The following KCNQ5 variants were observed in gnomAD, a reference collection of about 807,000 sequenced individuals.
The protein encoded by KCNQ5 is potassium voltage-gated channel subfamily KQT member 5.
A neutral mutation model predicts 98.2 loss-of-function variants in KCNQ5; 30 were observed. That is an observed-to-expected ratio of 0.31 (90% CI 0.23 to 0.41). The LOEUF (loss-of-function observed/expected upper bound fraction) is 0.41, where lower values mean the gene tolerates loss of function less well. KCNQ5 is among the 10% of genes least tolerant of loss of function. KCNQ5 has a pLI of 1.00. For synonymous variants in KCNQ5, 458 were observed against 449.4 expected, an observed-to-expected ratio of 1.02 and a Z score of -0.24; for missense variants, 835 against 1,182.5, an observed-to-expected ratio of 0.71 and a Z score of 4.31.
At chr6:72,688,588 A>G (rs1460417303) in intron 1 of KCNQ5, among the ~76,000 whole-genome samples, 1 of 152,220 alleles carries the variant, frequency 6.6e-6, no homozygotes, top group Non-Finnish European at 1.5e-5. Flanking sequence ...TGTTAAAATT[A>G]TTGTTGATTT....
chr6:73,161,287 G>T (rs1445027413), intron 10 of KCNQ5, among the ~76,000 whole-genome samples: 2 of 152,206 alleles, frequency 1.3e-5, no homozygotes, highest in Non-Finnish European at 2.9e-5. Context: ...GCTTAGACTG[G>T]TGGTTTCCAG....
intron 1 of KCNQ5, among the ~76,000 whole-genome samples, chr6:72,753,182 C>G (rs1050034793): frequency 6.6e-6 from 1 of 152,080 alleles, no homozygotes; most frequent in Non-Finnish European, 1.5e-5. Context: ...TCCAGAATGT[C>G]ACATAACAGG....
At chr6:72,793,132 T>G (rs1774147702) in intron 1 of KCNQ5, among the ~76,000 whole-genome samples, 1 of 152,238 alleles carries the variant, frequency 6.6e-6, no homozygotes. Flanking sequence ...GCTGGACAGT[T>G]ATGTAGGTAA....
chr6:72,985,869 T>C (rs1432550999), intron 1 of KCNQ5, among the ~76,000 whole-genome samples: 2 of 152,204 alleles, frequency 1.3e-5, no homozygotes, highest in Non-Finnish European at 2.9e-5. Flanking sequence ...CCTGTGTTCA[T>C]TGCTGCACTA....
chr6:72,705,849 A>G lies in KCNQ5; in HGVS notation c.398+83262A>G, dbSNP rs1048793093. On this transcript the variant is annotated intron_variant, in intron 1 of 13. Coordinates refer to ENST00000370398, the MANE Select transcript of KCNQ5 (RefSeq NM_019842.4). ...AGGCTCAAATTCCCTGAAATAAATT[A>G]TCAGAATAAGAAGTGTAGTATAAGA... Among the ~76,000 whole-genome samples, 6 of 152,098 alleles carry G rather than the reference A, an allele frequency of 3.9e-5. 1 individual carries two copies. Among genetic ancestry groups the G allele is most frequent in the Non-Finnish European group, 5.9e-5 (4 of 67,950 alleles).
chr6:73,181,884 C>A (rs911903453), intron 11 of KCNQ5, among the ~76,000 whole-genome samples: 1 of 152,128 alleles, frequency 6.6e-6, no homozygotes, highest in Admixed American at 6.6e-5. Flanking sequence ...GCAATAGTAC[C>A]CTTATCATAG....
intron 11 of KCNQ5, among the ~76,000 whole-genome samples, chr6:73,189,683 G>A (rs1765513960): frequency 6.6e-6 from 1 of 152,198 alleles, no homozygotes; most frequent in South Asian, 2.1e-4. Flanking sequence ...CAAATGTTAT[G>A]TTTCTCTGCT....
chr6:72,886,463 G>A (rs1170961139), intron 1 of KCNQ5, among the ~76,000 whole-genome samples: 1 of 151,978 alleles, frequency 6.6e-6, no homozygotes, highest in East Asian at 1.9e-4. Context: ...AAGTTAAAAG[G>A]TACATTTAAT....
intron 2 of KCNQ5, among the ~76,000 whole-genome samples, chr6:73,035,671 T>C (rs573218484): frequency 6.6e-6 from 1 of 152,304 alleles, no homozygotes; most frequent in African/African-American, 2.4e-5. Context: ...AAAGGGTGAT[T>C]TAGAGAGTAC....
At chr6:73,053,453 C>A (rs1415131607) in intron 3 of KCNQ5, among the ~76,000 whole-genome samples, 1 of 152,128 alleles carries the variant, frequency 6.6e-6, no homozygotes, top group Non-Finnish European at 1.5e-5. Context: ...ATATTCTTCT[C>A]ATCTGCACAT....
intron 1 of KCNQ5, among the ~76,000 whole-genome samples, chr6:72,959,682 ACTGT>A (rs1254234284): frequency 6.6e-6 from 1 of 152,208 alleles, no homozygotes; most frequent in Non-Finnish European, 1.5e-5. Flanking sequence ...AATAAATCAC[ACTGT>A]CTCATTTTAG....
At chr6:72,737,149 C>T (rs990740702) in intron 1 of KCNQ5, among the ~76,000 whole-genome samples, 5 of 152,026 alleles carry the variant, frequency 3.3e-5, no homozygotes, top group East Asian at 1.9e-4. Flanking sequence ...TTAGTAGAGG[C>T]GGGATTTCAC....
At chr6:72,957,617 T>C (rs1277373256) in intron 1 of KCNQ5, among the ~76,000 whole-genome samples, 1 of 152,146 alleles carries the variant, frequency 6.6e-6, no homozygotes, top group Non-Finnish European at 1.5e-5. Context: ...GAGCCACTGG[T>C]CAGGGTGATC....
At chr6:72,742,110 C>A (rs1240145711) in intron 1 of KCNQ5, among the ~76,000 whole-genome samples, 3 of 152,162 alleles carry the variant, frequency 2.0e-5, no homozygotes, top group Non-Finnish European at 4.4e-5. Flanking sequence ...GGGATGAATT[C>A]TATACTTAGT....
At chr6:72,777,152 G>A (rs1338640992) in intron 1 of KCNQ5, among the ~76,000 whole-genome samples, 1 of 152,184 alleles carries the variant, frequency 6.6e-6, no homozygotes, top group African/African-American at 2.4e-5. Context: ...GCCATTTAAT[G>A]AGCTAAGTCT....
At chr6:73,124,577 G>A (rs533647443) in intron 9 of KCNQ5, 65 bp downstream of exon 9, 1 of 1,375,702 alleles carries the variant, frequency 7.3e-7, no homozygotes, top group Non-Finnish European at 1.0e-6. Flanking sequence ...TGTTTTAAAT[G>A]TGTCTCATGT....
chr6:72,646,844 A>T (rs774531621), intron 1 of KCNQ5, among the ~76,000 whole-genome samples: 6 of 152,200 alleles, frequency 3.9e-5, no homozygotes, highest in Non-Finnish European at 8.8e-5. Flanking sequence ...CATTATTTAT[A>T]CACTTTAGTC....
chr6:72,695,236 G>A (rs1016533442), intron 1 of KCNQ5, among the ~76,000 whole-genome samples: 8 of 152,150 alleles, frequency 5.3e-5, no homozygotes, highest in South Asian at 2.1e-4. Context: ...ATAAATGACC[G>A]TTGTTGTAAA....
intron 1 of KCNQ5, among the ~76,000 whole-genome samples, chr6:72,808,118 T>C (rs542107021): frequency 3.9e-5 from 6 of 152,000 alleles, no homozygotes; most frequent in Non-Finnish European, 8.8e-5. Context: ...GGACAGAAAT[T>C]GAAGGAGAGA....
Sources: gnomAD v4.1 joint callset for allele counts (sites outside exome capture counted in the v4.1 genomes callset) on GRCh38, gnomAD v4.1.1 for gene constraint, MANE v1.5 for transcripts, NCBI Gene and HGNC (gene_info 2026-07-23, HGNC 2026-07-21) for gene names.